Variants in XRCC4 observed in about 807,000 individuals in gnomAD.
The protein encoded by XRCC4 is X-ray repair cross complementing 4, also known as DNA repair protein XRCC4.
XRCC4 carries 28 observed loss-of-function variants against 39.1 expected under a neutral mutation model. The ratio of observed to expected loss-of-function variants is 0.72; its 90% CI spans 0.53 to 0.98. The LOEUF (loss-of-function observed/expected upper bound fraction) is 0.98, where lower values mean the gene tolerates loss of function less well. XRCC4 is among the 50% of genes least tolerant of loss of function. The pLI is 0.00. For synonymous variants in XRCC4, 123 were observed against 126.4 expected (o/e 0.97, Z 0.18); for missense variants, 350 against 376.4 (o/e 0.93, Z 0.58).
intron 3 of XRCC4, among the ~76,000 whole-genome samples, chr5:83,152,845 G>A (rs1018580972): frequency 4.6e-5 from 7 of 152,072 alleles, no homozygotes; most frequent in African/African-American, 1.7e-4. Context: ...TCGATCTACA[G>A]TACAATATCA....
At chr5:83,115,657 C>G (rs1561336721) in intron 3 of XRCC4, among the ~76,000 whole-genome samples, 1 of 152,120 alleles carries the variant, frequency 6.6e-6, no homozygotes, top group Non-Finnish European at 1.5e-5. Flanking sequence ...TGCTTACCAC[C>G]CTGAAAGTAA....
At chr5:83,272,039 A>C (rs932428860) in intron 7 of XRCC4, among the ~76,000 whole-genome samples, 19 of 152,134 alleles carry the variant, frequency 1.2e-4, no homozygotes, top group African/African-American at 4.6e-4. Flanking sequence ...AACATGCTGG[A>C]CTATGGTATT....
chr5:83,233,816 C>A (rs1459913500), intron 6 of XRCC4, among the ~76,000 whole-genome samples: 2 of 149,228 alleles, frequency 1.3e-5, no homozygotes. Context: ...GCAGAAGAAT[C>A]GCTTGAACCT....
At chr5:83,163,696 G>T (rs1749327962) in intron 3 of XRCC4, among the ~76,000 whole-genome samples, 1 of 152,310 alleles carries the variant, frequency 6.6e-6, no homozygotes, top group South Asian at 2.1e-4. Context: ...TTGCACCACT[G>T]ATTCTTAAGT....
intron 7 of XRCC4, among the ~76,000 whole-genome samples, chr5:83,348,513 G>A (rs924245458): frequency 2.0e-5 from 3 of 152,326 alleles, no homozygotes; most frequent in Admixed American, 1.3e-4. Context: ...GCTGGAGCGG[G>A]AGCAGCCACA....
chr5:83,306,983 G>A (rs1411514898), intron 7 of XRCC4, among the ~76,000 whole-genome samples: 1 of 152,170 alleles, frequency 6.6e-6, no homozygotes, highest in Non-Finnish European at 1.5e-5. Context: ...ATGGGAATAA[G>A]TAGTCTGAGT....
intron 1 of XRCC4, among the ~76,000 whole-genome samples, chr5:83,078,466 G>T (rs369396393): frequency 1.3e-5 from 2 of 152,202 alleles, no homozygotes; most frequent in Non-Finnish European, 2.9e-5. Context: ...GGACTTAGAA[G>T]GTGGATAGAG....
chr5:83,121,320 G>T (rs937124419), intron 3 of XRCC4, among the ~76,000 whole-genome samples: 5 of 152,118 alleles, frequency 3.3e-5, no homozygotes, highest in Non-Finnish European at 7.4e-5. Context: ...TGGGTTATAT[G>T]GTAGGCATAT....
intron 7 of XRCC4, among the ~76,000 whole-genome samples, chr5:83,308,317 A>C (rs1327939064): frequency 6.6e-6 from 1 of 152,226 alleles, no homozygotes; most frequent in Non-Finnish European, 1.5e-5. Flanking sequence ...AGATGAATGG[A>C]TAGAAACAAG....
At chr5:83,179,265 T>A (rs1750099318) in intron 3 of XRCC4, among the ~76,000 whole-genome samples, 1 of 152,184 alleles carries the variant, frequency 6.6e-6, no homozygotes, top group Non-Finnish European at 1.5e-5. Context: ...ATGAGTGGGA[T>A]CCCTAAAGAG....
intron 7 of XRCC4, among the ~76,000 whole-genome samples, chr5:83,300,937 T>C (rs28746475): frequency 0.022 from 3,293 of 152,258 alleles, 104 homozygotes; most frequent in African/African-American, 0.075. Flanking sequence ...TGCATAGTAT[T>C]CCATGGTGTA....
At chr5:83,140,475 G>A (rs1319551992) in intron 3 of XRCC4, among the ~76,000 whole-genome samples, 1 of 152,088 alleles carries the variant, frequency 6.6e-6, no homozygotes, top group African/African-American at 2.4e-5. Context: ...CCCATTGAGG[G>A]TAGGTCTTCC....
At chr5:83,185,422 TTATA>T (rs67640834) in intron 3 of XRCC4, among the ~76,000 whole-genome samples, 3 of 146,100 alleles carry the variant, frequency 2.1e-5, no homozygotes, top group Admixed American at 6.8e-5. Context: ...AAAGTATGTA[TTATA>T]TATATATATA....
At chr5:83,374,359 T>G in the XRCC4 span, among the ~76,000 whole-genome samples, 1 of 152,228 alleles carries the variant, frequency 6.6e-6, no homozygotes, top group African/African-American at 2.4e-5. Context: ...TTGGTTTATA[T>G]TCACTCTTGT....
In XRCC4 at chr5:83,241,240, C is replaced by CAAA. The variant is rs541873201; in HGVS notation, c.746-17274_746-17272dup. On this transcript the variant is annotated intron_variant, in intron 6 of 7. Transcript: ENST00000396027. ...CCAGGGCAACAAAGTAAGACTCTGT[C>CAAA]AAAAAAAAAAAAAAAAAATTCAGTA... Among the ~76,000 whole-genome samples the CAAA allele has an allele frequency of 6.6e-5, 4 of 60,902 alleles. No homozygotes were observed. The East Asian group carries it at 1.8e-3, about 27-fold the overall frequency. 40.0% of individuals were successfully genotyped at this position (60,902 alleles called of 152,430 possible).
chr5:83,225,177 G>A (rs969058716), intron 6 of XRCC4, among the ~76,000 whole-genome samples: 1 of 151,960 alleles, frequency 6.6e-6, no homozygotes, highest in Admixed American at 6.6e-5. Context: ...AACTGTTATC[G>A]CTGTTTTTGG....
the XRCC4 span, among the ~76,000 whole-genome samples, chr5:83,359,203 C>G: frequency 6.6e-6 from 1 of 152,090 alleles, no homozygotes; most frequent in African/African-American, 2.4e-5. Context: ...CCAGTTACAC[C>G]TACTTATAGT....
chr5:83,193,699 A>G (rs1750811785), intron 3 of XRCC4, among the ~76,000 whole-genome samples: 1 of 152,176 alleles, frequency 6.6e-6, no homozygotes, highest in Non-Finnish European at 1.5e-5. Flanking sequence ...TCCTTTTGGC[A>G]TTTTGAAACT....
chr5:83,217,358 C>CAAAAAAA (rs59416363), intron 6 of XRCC4, among the ~76,000 whole-genome samples: 94 of 96,140 alleles, frequency 9.8e-4, no homozygotes, highest in Middle Eastern at 0.01. Flanking sequence ...GACTCCGTCT[C>CAAAAAAA]AAAAAAAAAA....
Sources: allele counts gnomAD v4.1 joint callset (sites outside exome capture counted in the v4.1 genomes callset), GRCh38; gene constraint gnomAD v4.1.1; transcripts MANE v1.5; gene names NCBI Gene and HGNC (gene_info 2026-07-23, HGNC 2026-07-21).